HOMER2: variants seen among roughly 807,000 people sequenced by gnomAD.
HOMER2 encodes homer scaffold protein 2.
In HOMER2, 27 loss-of-function variants were observed where a neutral mutation model predicts 47.0. That is an observed-to-expected ratio of 0.57 (90% CI 0.42 to 0.79). The LOEUF is 0.79. Among genes scored for constraint, HOMER2 ranks in the 30% least tolerant of loss-of-function variants. The pLI, the probability that HOMER2 is intolerant of heterozygous loss-of-function variation, is 0.00. For synonymous variants in HOMER2, 161 were observed against 163.8 expected (o/e 0.98, Z 0.13); for missense variants, 443 against 435.0 (o/e 1.02, Z -0.16).
chr15:82,900,822 ATTAAAG>A (rs2053090136), intron 1 of HOMER2, among the ~76,000 whole-genome samples: 1 of 152,120 alleles, frequency 6.6e-6, no homozygotes, highest in Admixed American at 6.5e-5. Context: ...GCCCCATTCT[ATTAAAG>A]TTATTTTCTT....
intron 1 of HOMER2, among the ~76,000 whole-genome samples, chr15:82,964,251 G>A (rs1040691677): frequency 3.9e-5 from 6 of 152,162 alleles, no homozygotes; most frequent in Non-Finnish European, 7.4e-5. Flanking sequence ...GTTCATTCAC[G>A]TTCAGGCTGC....
intron 1 of HOMER2, among the ~76,000 whole-genome samples, chr15:82,937,194 C>T (rs1012258532): frequency 2.0e-5 from 3 of 152,216 alleles, no homozygotes; most frequent in Admixed American, 1.3e-4. Context: ...CCCCTCCCAA[C>T]GCCAATGGGT....
intron 1 of HOMER2, among the ~76,000 whole-genome samples, chr15:82,937,480 T>A (rs2061947): frequency 6.6e-6 from 1 of 151,956 alleles, no homozygotes; most frequent in East Asian, 1.9e-4. Flanking sequence ...TAAGCTGCCC[T>A]CACACTGCCT....
At chr15:82,932,137 A>G (rs559638194) in intron 1 of HOMER2, among the ~76,000 whole-genome samples, 2 of 152,272 alleles carry the variant, frequency 1.3e-5, no homozygotes, top group East Asian at 1.9e-4. Context: ...AGACAGCCCA[A>G]TGCTAGAGAC....
At chr15:82,863,963 C>G (rs558858898) in intron 4 of HOMER2, among the ~76,000 whole-genome samples, 1 of 152,328 alleles carries the variant, frequency 6.6e-6, no homozygotes, top group Admixed American at 6.5e-5. Flanking sequence ...ATCACATCAA[C>G]CATTTTCTGT....
rs2051686045 is a variant in HOMER2 at position 82,859,051 on chromosome 15, G to T, written c.472C>A (p.Leu158Met). 4 of 1,613,938 alleles carry T rather than the reference G, an allele frequency of 2.5e-6. No homozygotes were observed. The East Asian group carries it at 8.9e-5, about 36-fold the overall frequency. ...NTHLKSENDKLKIALTQSAAN... is the reference protein window; with the variant it reads ...NTHLKSENDKMKIALTQSAAN... ...TACCTCTGCGTCAAGGCAATCTTCA[G>T]CTTGTCATTCTCAGACTTCAGGTGT... Residue 158 changes from leucine to methionine, a missense_variant, in exon 5 of 9, where the codon CTG becomes ATG. Coordinates refer to ENST00000450735, the MANE Select transcript of HOMER2 (RefSeq NM_004839.4).
rs78707367 is a variant in HOMER2, at chr15:82,930,290, A to G, written c.5+22241T>C. Among the ~76,000 whole-genome samples, 347 of 152,322 alleles carry G rather than the reference A, an allele frequency of 2.3e-3. 2 individuals carry two copies. Among genetic ancestry groups the G allele is most frequent in the African/African-American group, 7.6e-3 (315 of 41,562 alleles). On this transcript the variant is annotated intron_variant, in intron 1 of 8. Coordinates refer to ENST00000450735, the MANE Select transcript of HOMER2 (RefSeq NM_004839.4). ...GAAGCTCAAATGAAATACCGTATAA[A>G]GGGAGTCAATAAGTATTAGTTACCC...
chr15:82,960,767 C>T (rs2054624146), intron 1 of HOMER2, among the ~76,000 whole-genome samples: 1 of 152,148 alleles, frequency 6.6e-6, no homozygotes, highest in South Asian at 2.1e-4. Flanking sequence ...CTTCTCCAGC[C>T]CCATCTGGGA....
At chr15:82,908,264 T>A (rs2053346763) in intron 1 of HOMER2, among the ~76,000 whole-genome samples, 1 of 152,188 alleles carries the variant, frequency 6.6e-6, no homozygotes, top group African/African-American at 2.4e-5. Context: ...AATGAATGTA[T>A]ATTATGTGAA....
At chr15:82,985,585 G>C (rs1469744157) in intron 1 of HOMER2, 1 of 152,216 alleles carries the variant, frequency 6.6e-6, no homozygotes, top group Non-Finnish European at 1.5e-5. Context: ...TAACAAAAAC[G>C]GGTGCATAGC....
Position 82,972,316 on chromosome 15 carries a change from G to A in HOMER2, n.83-13008C>T, listed in dbSNP as rs538303054. Among the ~76,000 whole-genome samples the A allele has an allele frequency of 1.4e-4, 21 of 152,268 alleles. 1 individual carries two copies. In the South Asian group the frequency reaches 4.4e-3, roughly 32 times the overall value. On this transcript the variant is annotated intron_variant and non_coding_transcript_variant, in intron 1 of 1. Transcript: ENST00000500334. ...AACTCCTGCACCTCTACCTGAAGGT[G>A]GGGTGCCCTTCTGGCTAAGAATACA... is the stretch of plus-strand genomic sequence containing the variant.
intron 1 of HOMER2, among the ~76,000 whole-genome samples, chr15:82,965,114 G>A (rs1377058183): frequency 6.6e-6 from 1 of 151,998 alleles, no homozygotes; most frequent in Non-Finnish European, 1.5e-5. Flanking sequence ...TGAACTCCTG[G>A]GCTCAAGGGA....
chr15:82,852,429 G>A (rs2051426825), intron 6 of HOMER2, 177 bp from the exon 7 acceptor site: 2 of 559,446 alleles, frequency 3.6e-6, no homozygotes, highest in South Asian at 4.7e-5. Flanking sequence ...GGGGCTGCCT[G>A]CACCGCTTGC....
intron 6 of HOMER2, 26 bp from the exon 7 acceptor site, chr15:82,852,278 C>T (rs776610304): frequency 6.5e-7 from 1 of 1,533,782 alleles, no homozygotes; most frequent in African/African-American, 1.4e-5. Flanking sequence ...CACAGGAAAG[C>T]AGGGACGCCA....
In HOMER2 at chr15:82,849,048, G is replaced by A. The variant is rs957928849; in HGVS notation, c.*667C>T. On this transcript the variant is annotated 3_prime_UTR_variant, in exon 9 of 9. Transcript: ENST00000450735. ...AGACATTGTGCTAGGCACCCTCACTGTGTGCTGTTCCCACAGCACAATCAT... is the reference window on the plus strand; with the variant it reads ...AGACATTGTGCTAGGCACCCTCACTATGTGCTGTTCCCACAGCACAATCAT... 2 of 151,786 alleles carry A rather than the reference G, an allele frequency of 1.3e-5. No individual in the cohort carries two copies. 9.4% of individuals were successfully genotyped at this position (151,786 alleles called of 1,614,324 possible).
chr15:82,876,625 G>C (rs529823939), intron 2 of HOMER2, among the ~76,000 whole-genome samples: 1 of 152,214 alleles, frequency 6.6e-6, no homozygotes, highest in African/African-American at 2.4e-5. Flanking sequence ...TTCCCCATCA[G>C]ATGATCTGAA....
chr15:82,854,478 A>AT (rs2051498403), intron 6 of HOMER2, among the ~76,000 whole-genome samples, 166 bp downstream of exon 6: 1 of 152,116 alleles, frequency 6.6e-6, no homozygotes, highest in African/African-American at 2.4e-5. Flanking sequence ...TCCTACTAAG[A>AT]AAGGCAGGGA....
upstream of HOMER2, among the ~76,000 whole-genome samples, chr15:82,955,851 TCA>T (rs1054287021): frequency 5.3e-5 from 8 of 152,162 alleles, no homozygotes; most frequent in Admixed American, 6.6e-5. Flanking sequence ...AATCAAATAA[TCA>T]CACAAATATA....
chr15:82,864,158 A>C lies in HOMER2; in HGVS notation c.387+9T>G, dbSNP rs574436765. On this transcript the variant is annotated intron_variant, in intron 4 of 8. Transcript: ENST00000450735. ...CCACTGGGATTTACTTCATAGACTA[A>C]TGTCTTACTTGGGAATGATTACTTG... The C allele has an allele frequency of 1.3e-6, 2 of 1,582,638 alleles. No individual in the cohort carries two copies. The highest frequency in any genetic ancestry group is 2.2e-5 in the South Asian group (2 of 89,410).
Sources: gnomAD v4.1 joint callset for allele counts (sites outside exome capture counted in the v4.1 genomes callset) on GRCh38, gnomAD v4.1.1 for gene constraint, MANE v1.5 for transcripts, NCBI Gene and HGNC (gene_info 2026-07-23, HGNC 2026-07-21) for gene names.